NTRK3: variants seen among roughly 807,000 people sequenced by gnomAD.
The protein encoded by NTRK3 is NT-3 growth factor receptor.
In NTRK3, 24 loss-of-function variants were observed where a neutral mutation model predicts 91.7. The ratio of observed to expected loss-of-function variants is 0.26; its 90% CI spans 0.19 to 0.37. The LOEUF (loss-of-function observed/expected upper bound fraction) is 0.37. Ranked by LOEUF, NTRK3 falls within the 10% of genes least tolerant of loss-of-function variation. The pLI, the probability that NTRK3 is intolerant of heterozygous loss-of-function variation, is 1.00. For missense variants in NTRK3, 880 were observed against 1,068.9 expected, an observed-to-expected ratio of 0.82 and a Z score of 2.46; for synonymous variants, 483 against 404.0, an observed-to-expected ratio of 1.20 and a Z score of -2.34.
chr15:87,863,107 A>T (rs1400598393), exon 19 of NTRK3: 1 of 231,024 alleles, frequency 4.3e-6, no homozygotes, highest in Admixed American at 5.7e-5. Context: ...CATGCCCTTC[A>T]AATGAAGTCT....
chr15:88,217,925 A>AT (rs936143996), intron 3 of NTRK3, among the ~76,000 whole-genome samples: 15 of 151,730 alleles, frequency 9.9e-5, no homozygotes, highest in South Asian at 2.1e-4. Context: ...CGTCCGGTTA[A>AT]TTTTTTTTGT....
chr15:87,956,733 G>A (rs1252466327), intron 14 of NTRK3, among the ~76,000 whole-genome samples: 1 of 149,012 alleles, frequency 6.7e-6, no homozygotes, highest in African/African-American at 2.5e-5. Flanking sequence ...AACATGCCTG[G>A]CTAATTTTTG....
At chr15:87,972,559 G>A (rs2073347254) in intron 14 of NTRK3, among the ~76,000 whole-genome samples, 2 of 152,196 alleles carry the variant, frequency 1.3e-5, no homozygotes, top group Non-Finnish European at 2.9e-5. Context: ...GAAAAGCCAA[G>A]CTCCATTCTT....
intron 5 of NTRK3, among the ~76,000 whole-genome samples, chr15:88,171,598 A>G (rs1423113073): frequency 6.6e-6 from 1 of 152,336 alleles, no homozygotes; most frequent in Non-Finnish European, 1.5e-5. Context: ...TACCATGTGC[A>G]GCCACTGAGA....
chr15:88,008,387 G>T (rs2076635715), intron 14 of NTRK3, among the ~76,000 whole-genome samples: 1 of 152,092 alleles, frequency 6.6e-6, no homozygotes, highest in Non-Finnish European at 1.5e-5. Flanking sequence ...AAGAGTAGAT[G>T]CAAGTGCCAA....
At chr15:88,222,277 T>A (rs2050298646) in intron 3 of NTRK3, among the ~76,000 whole-genome samples, 1 of 152,182 alleles carries the variant, frequency 6.6e-6, no homozygotes, top group Admixed American at 6.5e-5. Context: ...TCACCCACAC[T>A]AAAACCTCAC....
intron 13 of NTRK3, among the ~76,000 whole-genome samples, chr15:88,088,131 C>T (rs1302658061): frequency 1.3e-5 from 2 of 152,124 alleles, no homozygotes; most frequent in South Asian, 2.1e-4. Context: ...TATGTCAGTG[C>T]CAAGCTGTGA....
At chr15:88,140,165 A>C (rs2042256501) in intron 6 of NTRK3, among the ~76,000 whole-genome samples, 1 of 152,208 alleles carries the variant, frequency 6.6e-6, no homozygotes, top group South Asian at 2.1e-4. Context: ...CTAGAACTGG[A>C]GAACAATGTG....
chr15:87,877,756 G>C (rs538254563), intron 18 of NTRK3, among the ~76,000 whole-genome samples: 2 of 151,958 alleles, frequency 1.3e-5, no homozygotes, highest in South Asian at 2.1e-4. Flanking sequence ...CTAACTGCTT[G>C]ATTCACCACT....
intron 13 of NTRK3, among the ~76,000 whole-genome samples, chr15:88,094,462 C>T (rs1237223811): frequency 6.0e-5 from 7 of 116,544 alleles, no homozygotes; most frequent in Non-Finnish European, 9.6e-5. Context: ...GGCGACAGAG[C>T]GAGACTCCGT....
At chr15:87,874,056 G>A (rs955734889) in exon 19 of NTRK3, 7 of 228,900 alleles carry the variant, frequency 3.1e-5, no homozygotes, top group Admixed American at 5.7e-5. Flanking sequence ...CTGCAGATGG[G>A]GAAATTAAGA....
At chr15:88,091,822 G>A (rs1423152250) in intron 13 of NTRK3, among the ~76,000 whole-genome samples, 1 of 152,188 alleles carries the variant, frequency 6.6e-6, no homozygotes, top group African/African-American at 2.4e-5. Flanking sequence ...TCACCTGCCA[G>A]CCTAGTGTCC....
At chr15:88,191,766 C>T (rs1477469440) in intron 3 of NTRK3, among the ~76,000 whole-genome samples, 1 of 152,280 alleles carries the variant, frequency 6.6e-6, no homozygotes, top group Non-Finnish European at 1.5e-5. Context: ...GCATCATAAA[C>T]AAACCGTCTG....
At chr15:88,023,020 G>A (rs1399281473) in intron 14 of NTRK3, among the ~76,000 whole-genome samples, 1 of 152,160 alleles carries the variant, frequency 6.6e-6, no homozygotes, top group African/African-American at 2.4e-5. Context: ...GGAAAGTCTA[G>A]TGTTTTCAAT....
At chr15:88,059,230 T>C (rs193150148) in intron 13 of NTRK3, among the ~76,000 whole-genome samples, 2 of 152,292 alleles carry the variant, frequency 1.3e-5, no homozygotes, top group Non-Finnish European at 2.9e-5. Flanking sequence ...CTTTAATAAA[T>C]TAGAGAGCTA....
At chr15:88,176,879 A>T (rs2046047572) in intron 5 of NTRK3, among the ~76,000 whole-genome samples, 1 of 152,252 alleles carries the variant, frequency 6.6e-6, no homozygotes, top group South Asian at 2.1e-4. Context: ...GAAATTATTC[A>T]GCCACATGAC....
rs899051219 is a variant in NTRK3, at chr15:88,016,703, G to A, written c.1585+16154C>T. On this transcript the variant is annotated intron_variant, in intron 14 of 18. Transcript: ENST00000394480. ...TTAGCTGGGGACAGGCTTTGCAGCCGGGAAGGATGCATTATAAATCAACTC... is the reference window on the plus strand; with the variant it reads ...TTAGCTGGGGACAGGCTTTGCAGCCAGGAAGGATGCATTATAAATCAACTC... Among the ~76,000 whole-genome samples, 9 of 152,246 alleles carry A rather than the reference G, an allele frequency of 5.9e-5. No homozygotes were observed. In the South Asian group the frequency reaches 6.2e-4, roughly 11 times the overall value.
exon 19 of NTRK3, chr15:87,874,938 C>T (rs974687096): frequency 6.9e-5 from 16 of 232,972 alleles, no homozygotes; most frequent in Non-Finnish European, 1.4e-4. Flanking sequence ...ATTCCCATCT[C>T]ACCTGCCTCC....
At chr15:88,113,374 G>C (rs551183197) in intron 13 of NTRK3, among the ~76,000 whole-genome samples, 1 of 142,018 alleles carries the variant, frequency 7.0e-6, no homozygotes, top group East Asian at 2.1e-4. Flanking sequence ...GGAGTGCAGT[G>C]GCGTGATCTT....
Sources: allele counts gnomAD v4.1 joint callset (sites outside exome capture counted in the v4.1 genomes callset), GRCh38; gene constraint gnomAD v4.1.1; transcripts MANE v1.5; gene names NCBI Gene and HGNC (gene_info 2026-07-23, HGNC 2026-07-21).